The following CLIC5 variants were observed in gnomAD, a reference collection of about 807,000 sequenced individuals.
CLIC5 encodes CLIC family member 5, also known as chloride intracellular channel protein 5.
Under a neutral mutation model 24.7 loss-of-function variants are expected in CLIC5, and 20 were observed. That is an observed-to-expected ratio of 0.81 (90% CI 0.57 to 1.18). The LOEUF (loss-of-function observed/expected upper bound fraction) is 1.18. Among genes scored for constraint, CLIC5 ranks in the 50% most tolerant of loss-of-function variants. CLIC5 has a pLI of 0.00. For synonymous variants in CLIC5, 159 were observed against 135.6 expected (o/e 1.17, Z -1.20); for missense variants, 341 against 326.1 (o/e 1.05, Z -0.35).
intron 5 of CLIC5, among the ~76,000 whole-genome samples, chr6:45,904,636 T>TC (rs1762600706): frequency 1.0e-3 from 1 of 994 alleles, no homozygotes. Context: ...CCTCCCTCCC[T>TC]CTTTTCTGTC....
Position 45,900,531 on chromosome 6 carries a change from C to CAAACAAAAA in CLIC5, c.*2556_*2557insTTTTTGTTT, listed in dbSNP as rs751320832. 7.8e-6 allele frequency: 1 copy of CAAACAAAAA among 128,772 alleles called. No individual in the cohort carries two copies. Among genetic ancestry groups the CAAACAAAAA allele is most frequent in the Non-Finnish European group, 1.6e-5 (1 of 62,000 alleles). The allele number at this position is 128,772 out of a possible 1,614,324, so 8.0% of individuals were successfully genotyped here. On this transcript the variant is annotated 3_prime_UTR_variant, in exon 6 of 6. Transcript: ENST00000339561. ...ATCTGGAGAAAGATCTCTTTTGAAA[C>CAAACAAAAA]AAAAAAAAAAAGGAAGGTAATATTA...
At chr6:45,990,738 C>A (rs575198016) in intron 1 of CLIC5, among the ~76,000 whole-genome samples, 16 of 152,256 alleles carry the variant, frequency 1.1e-4, no homozygotes, top group Middle Eastern at 3.4e-3. Context: ...CCAGAAAGGT[C>A]AAAATAAAAC....
chr6:45,962,377 A>G (rs1034515324), intron 1 of CLIC5, among the ~76,000 whole-genome samples: 1 of 150,330 alleles, frequency 6.7e-6, no homozygotes. Flanking sequence ...CAGAATTCCC[A>G]TTTCTTCAGA....
intron 4 of CLIC5, among the ~76,000 whole-genome samples, chr6:45,919,488 C>T (rs951137224): frequency 6.6e-6 from 1 of 151,890 alleles, no homozygotes; most frequent in East Asian, 1.9e-4. Flanking sequence ...CCCTGACCCT[C>T]CCCCCCACCA....
At chr6:45,920,402 T>C in intron 4 of CLIC5, 1 of 597,010 alleles carries the variant, frequency 1.7e-6, no homozygotes, top group Non-Finnish European at 2.1e-6. Context: ...GAGAAATACC[T>C]GGAGCACTGA....
the CLIC5 span, among the ~76,000 whole-genome samples, chr6:46,092,413 T>C: frequency 1.3e-5 from 2 of 150,262 alleles, no homozygotes; most frequent in South Asian, 4.1e-4. Flanking sequence ...ATGATTATTA[T>C]TTTTTTCTCT....
intron 4 of CLIC5, among the ~76,000 whole-genome samples, chr6:45,939,726 G>C (rs1021729428): frequency 6.6e-6 from 1 of 151,654 alleles, no homozygotes; most frequent in African/African-American, 2.4e-5. Flanking sequence ...CTGCAGCTTC[G>C]ACCTCCCAGG....
intron 1 of CLIC5, among the ~76,000 whole-genome samples, chr6:46,048,349 G>C (rs1184314696): frequency 2.6e-5 from 4 of 152,092 alleles, no homozygotes; most frequent in African/African-American, 4.8e-5. Context: ...TTCTGAAGGA[G>C]GGCTCCTTAA....
At chr6:46,067,112 C>T (rs1396865747) in intron 1 of CLIC5, among the ~76,000 whole-genome samples, 1 of 152,068 alleles carries the variant, frequency 6.6e-6, no homozygotes, top group Non-Finnish European at 1.5e-5. Flanking sequence ...TTTGCAATTT[C>T]GTTCCAAGGG....
intron 1 of CLIC5, among the ~76,000 whole-genome samples, chr6:45,970,464 A>G (rs1037313460): frequency 2.6e-5 from 4 of 152,184 alleles, no homozygotes; most frequent in African/African-American, 9.7e-5. Context: ...TCCCCAGGCC[A>G]AAAGGGGAAA....
At chr6:45,981,346 T>A (rs924790917) in intron 1 of CLIC5, among the ~76,000 whole-genome samples, 3 of 151,930 alleles carry the variant, frequency 2.0e-5, no homozygotes, top group Admixed American at 6.6e-5. Flanking sequence ...ATTTCTGAAA[T>A]TTTGAAACAT....
chr6:46,016,629 GCA>G (rs1767019050), upstream of CLIC5, among the ~76,000 whole-genome samples: 1 of 152,158 alleles, frequency 6.6e-6, no homozygotes, highest in Non-Finnish European at 1.5e-5. Context: ...CAGAAAAGAT[GCA>G]CATATCTTAG....
intron 1 of CLIC5, among the ~76,000 whole-genome samples, chr6:46,001,883 A>G (rs1757531451): frequency 6.6e-6 from 1 of 152,178 alleles, no homozygotes; most frequent in African/African-American, 2.4e-5. Context: ...TATCTGGTGC[A>G]TAGGAGAGAG....
chr6:45,968,620 A>G (rs1429954843), intron 1 of CLIC5, among the ~76,000 whole-genome samples: 2 of 152,212 alleles, frequency 1.3e-5, no homozygotes, highest in Admixed American at 6.5e-5. Flanking sequence ...AAAATTTTCT[A>G]TTTAAAATTA....
downstream of CLIC5, among the ~76,000 whole-genome samples, chr6:45,896,719 C>T (rs1374370988): frequency 6.6e-6 from 1 of 152,216 alleles, no homozygotes; most frequent in African/African-American, 2.4e-5. Flanking sequence ...TTCCTCAATA[C>T]TAGGCACAGT....
chr6:46,086,490 T>C, the CLIC5 span, among the ~76,000 whole-genome samples: 1 of 152,190 alleles, frequency 6.6e-6, no homozygotes, highest in Non-Finnish European at 1.5e-5. Flanking sequence ...TTCTTAATGA[T>C]GGAGAGTAAT....
rs1762534735 is a variant in CLIC5 at position 45,902,433 on chromosome 6, T to C, written c.*655A>G. The C allele has an allele frequency of 6.5e-6, 1 of 153,134 alleles. No homozygotes were observed. The highest frequency in any genetic ancestry group is 2.4e-5 in the African/African-American group (1 of 41,462). The allele number at this position is 153,134 out of a possible 1,614,324, so 9.5% of individuals were successfully genotyped here. A position where few individuals can be genotyped will look rare whatever the true frequency, so the allele number is the denominator to read the frequency against. On this transcript the variant is annotated 3_prime_UTR_variant, in exon 6 of 6. Coordinates refer to ENST00000339561, the MANE Select transcript of CLIC5 (RefSeq NM_016929.5). ...GACGGCATGGAAGCCAGGGACAGCATGGGCCAGGTGCGCAGCAGCAGCAGC... is the reference window on the plus strand; with the variant it reads ...GACGGCATGGAAGCCAGGGACAGCACGGGCCAGGTGCGCAGCAGCAGCAGC...
At chr6:46,124,191 G>T in the CLIC5 span, among the ~76,000 whole-genome samples, 2 of 152,120 alleles carry the variant, frequency 1.3e-5, no homozygotes, top group African/African-American at 2.4e-5. Flanking sequence ...TAGACTACAA[G>T]GCTACAGTAA....
At chr6:46,015,963 G>C (rs994684652), upstream of CLIC5, 2 of 932,392 alleles carry the variant, frequency 2.1e-6, no homozygotes, top group Non-Finnish European at 2.6e-6. Context: ...GGCCTGGGCC[G>C]GGCCACGGCC....
Sources: allele counts gnomAD v4.1 joint callset (sites outside exome capture counted in the v4.1 genomes callset), GRCh38; gene constraint gnomAD v4.1.1; transcripts MANE v1.5; gene names NCBI Gene and HGNC (gene_info 2026-07-23, HGNC 2026-07-21).